Variants in COL23A1 observed in about 807,000 individuals in gnomAD.
COL23A1 encodes the protein collagen type XXIII alpha 1 chain.
In COL23A1, 97 loss-of-function variants were observed where a neutral mutation model predicts 99.3. The observed-to-expected ratio is 0.98, with a 90% CI of 0.83 to 1.16. The LOEUF is 1.16. Ranked by LOEUF, COL23A1 falls within the 50% of genes most tolerant of loss-of-function variation. The probability of loss-of-function intolerance (pLI) is 0.00; values close to 1 mark genes in which losing one functional copy is unlikely to be tolerated. For synonymous variants in COL23A1, 320 were observed against 308.2 expected (o/e 1.04, Z -0.40); for missense variants, 762 against 757.4 (o/e 1.01, Z -0.07).
At chr5:178,246,045 G>C in intron 24 of COL23A1, 77 bp from the exon 25 acceptor site, 2 of 1,546,308 alleles carry the variant, frequency 1.3e-6, no homozygotes, top group Non-Finnish European at 1.8e-6. Context: ...GTCCAGCCCT[G>C]TGGGTTGGCC....
At chr5:178,509,467 C>T (rs778557154) in intron 2 of COL23A1, among the ~76,000 whole-genome samples, 1 of 152,082 alleles carries the variant, frequency 6.6e-6, no homozygotes, top group African/African-American at 2.4e-5. Context: ...GTGATCCATC[C>T]GCCTCGGCCT....
intron 2 of COL23A1, among the ~76,000 whole-genome samples, chr5:178,523,195 TATATATAGAGAGAGAG>T (rs1391516084): frequency 2.5e-5 from 2 of 78,866 alleles, no homozygotes; most frequent in Admixed American, 1.8e-4. Flanking sequence ...TATATATATA[TATATATAGAGAGAGAG>T]AGAGAGAGAG....
At position 178,301,342 on chromosome 5, in the gene COL23A1, T is replaced by C. The variant is rs1253664655; in HGVS notation, c.406+5533A>G. Among the ~76,000 whole-genome samples the C allele has an allele frequency of 2.6e-5, 4 of 152,242 alleles. 1 individual carries two copies. Among genetic ancestry groups the C allele is most frequent in the Non-Finnish European group, 5.9e-5 (4 of 68,040 alleles). ...TTAGAGGGACATGATTCTCATGCTT[T>C]CCTTTATTTCTTCAAACATGGTTTC... On this transcript the variant is annotated intron_variant, in intron 3 of 28. Coordinates refer to ENST00000390654, the MANE Select transcript of COL23A1 (RefSeq NM_173465.4).
At chr5:178,446,848 T>C (rs1041203828) in intron 2 of COL23A1, among the ~76,000 whole-genome samples, 2 of 152,130 alleles carry the variant, frequency 1.3e-5, no homozygotes, top group African/African-American at 4.8e-5. Context: ...GGTGGTTAAA[T>C]AGTACACACC....
chr5:178,469,002 G>A (rs892265477), intron 2 of COL23A1, among the ~76,000 whole-genome samples: 77 of 152,272 alleles, frequency 5.1e-4, no homozygotes, highest in Middle Eastern at 3.4e-3. Context: ...GAATCATATC[G>A]TGTTTGTCCT....
In COL23A1 at chr5:178,285,668, T is replaced by C. The variant is rs6878796; in HGVS notation, c.441+2656A>G. On this transcript the variant is annotated intron_variant, in intron 5 of 28. Transcript: ENST00000390654. ...GTGATCTCCCCAGGCCCAAGTAGCC[T>C]GCCCAAGTCCACACAGGTGACTGAC... Among the ~76,000 whole-genome samples the C allele has an allele frequency of 3.8e-3, 578 of 152,322 alleles. 7 individuals carry two copies. Among genetic ancestry groups the C allele is most frequent in the African/African-American group, 0.013 (550 of 41,576 alleles).
At chr5:178,516,576 C>T (rs1032599471) in intron 2 of COL23A1, among the ~76,000 whole-genome samples, 3 of 152,236 alleles carry the variant, frequency 2.0e-5, no homozygotes, top group East Asian at 1.9e-4. Context: ...ACCTTCTAAC[C>T]GTGCTGAAAT....
At chr5:178,529,786 ACTC>A (rs1473225616) in intron 2 of COL23A1, among the ~76,000 whole-genome samples, 1 of 151,276 alleles carries the variant, frequency 6.6e-6, no homozygotes, top group African/African-American at 2.4e-5. Flanking sequence ...CCTGATTTAA[ACTC>A]CTCGTGTCCA....
intron 2 of COL23A1, among the ~76,000 whole-genome samples, chr5:178,437,588 G>A (rs1581390356): frequency 6.6e-6 from 1 of 152,260 alleles, no homozygotes; most frequent in South Asian, 2.1e-4. Context: ...CCTGCCCAGG[G>A]GTCAGTCCAG....
At chr5:178,301,001 G>A (rs1234120993) in intron 3 of COL23A1, among the ~76,000 whole-genome samples, 1 of 147,106 alleles carries the variant, frequency 6.8e-6, no homozygotes, top group Non-Finnish European at 1.5e-5. Flanking sequence ...GAGAAGATTT[G>A]GCCATTTTTT....
intron 2 of COL23A1, among the ~76,000 whole-genome samples, chr5:178,494,004 TG>T (rs11330974): frequency 0.37 from 55,531 of 152,104 alleles, 11,877 homozygotes; most frequent in Admixed American, 0.5. Context: ...CTTAAGAAAT[TG>T]GAATTTAAGC....
chr5:178,353,795 T>G (rs1251916463), intron 2 of COL23A1, among the ~76,000 whole-genome samples: 1 of 151,952 alleles, frequency 6.6e-6, no homozygotes, highest in Non-Finnish European at 1.5e-5. Flanking sequence ...TAGGAATTTA[T>G]CCCTCCCATG....
At chr5:178,326,874 C>T (rs1162448827) in intron 2 of COL23A1, among the ~76,000 whole-genome samples, 1 of 152,208 alleles carries the variant, frequency 6.6e-6, no homozygotes, top group Non-Finnish European at 1.5e-5. Context: ...CGCCTGCCAC[C>T]ACGCCTGGCT....
At chr5:178,385,718 G>A (rs1763637503) in intron 2 of COL23A1, among the ~76,000 whole-genome samples, 1 of 152,216 alleles carries the variant, frequency 6.6e-6, no homozygotes, top group Non-Finnish European at 1.5e-5. Flanking sequence ...TGGGTTCACA[G>A]AGCAAACTGA....
chr5:178,361,479 G>A (rs1044162506), intron 2 of COL23A1, among the ~76,000 whole-genome samples: 13 of 151,994 alleles, frequency 8.6e-5, no homozygotes, highest in Admixed American at 2.0e-4. Context: ...TTAGAGTCTC[G>A]CTCTCCTCAT....
chr5:178,469,228 T>C (rs1756605828), intron 2 of COL23A1, among the ~76,000 whole-genome samples: 1 of 152,208 alleles, frequency 6.6e-6, no homozygotes. Context: ...AATACCTGTC[T>C]GGGTCTCCGT....
At chr5:178,251,909 C>CTTTTTT (rs979583837) in intron 17 of COL23A1, among the ~76,000 whole-genome samples, 20 of 59,682 alleles carry the variant, frequency 3.4e-4, no homozygotes, top group African/African-American at 7.0e-4. Context: ...ATTTTCTTTT[C>CTTTTTT]TTTTTTTTTT....
intron 2 of COL23A1, among the ~76,000 whole-genome samples, chr5:178,505,425 T>C (rs1758811882): frequency 6.6e-6 from 1 of 152,038 alleles, no homozygotes; most frequent in Admixed American, 6.6e-5. Context: ...AATTTCTTTA[T>C]ATTTTTTGGT....
intron 2 of COL23A1, among the ~76,000 whole-genome samples, chr5:178,316,937 T>C (rs1284292200): frequency 6.6e-6 from 1 of 151,982 alleles, no homozygotes; most frequent in African/African-American, 2.4e-5. Context: ...AGTATACGAG[T>C]CTTCCACTCT....
Sources: gnomAD v4.1 joint callset for allele counts (sites outside exome capture counted in the v4.1 genomes callset) on GRCh38, gnomAD v4.1.1 for gene constraint, MANE v1.5 for transcripts, NCBI Gene and HGNC (gene_info 2026-07-23, HGNC 2026-07-21) for gene names.